The following COL23A1 variants were observed in gnomAD, a reference collection of about 807,000 sequenced individuals.
The protein encoded by COL23A1 is collagen alpha-1(XXIII) chain.
In COL23A1, 97 loss-of-function variants were observed where a neutral mutation model predicts 99.3. The ratio of observed to expected loss-of-function variants is 0.98; its 90% CI spans 0.83 to 1.16. The LOEUF (loss-of-function observed/expected upper bound fraction) is 1.16, where lower values mean the gene tolerates loss of function less well. COL23A1 is among the 50% of genes most tolerant of loss of function. COL23A1 has a pLI of 0.00. For missense variants in COL23A1, 762 were observed against 757.4 expected, an observed-to-expected ratio of 1.01 and a Z score of -0.07; for synonymous variants, 320 against 308.2, an observed-to-expected ratio of 1.04 and a Z score of -0.40.
intron 2 of COL23A1, among the ~76,000 whole-genome samples, chr5:178,537,401 G>A (rs1001470818): frequency 6.6e-5 from 10 of 152,246 alleles, no homozygotes; most frequent in Admixed American, 2.0e-4. Flanking sequence ...TGGGGAAACC[G>A]AGGCCGGGTG....
Position 178,358,223 on chromosome 5 carries a change from AATGTGTGT to A in COL23A1, c.362-51312_362-51305del, listed in dbSNP as rs1232680743. Reference sequence around the variant, plus strand: ...CATGTGTACGTGTGTATGTGTGTCTAATGTGTGTATGTGTGTATGTGTATGTGTGTGTA... The same window carrying A: ...CATGTGTACGTGTGTATGTGTGTCTAATGTGTGTATGTGTATGTGTGTGTA... On this transcript the variant is annotated intron_variant, in intron 2 of 28. Coordinates refer to ENST00000390654, the MANE Select transcript of COL23A1 (RefSeq NM_173465.4). 6.6e-4 allele frequency among the ~76,000 whole-genome samples: 41 copies of A among 62,016 alleles called. 2 individuals are homozygous for A. The highest frequency in any genetic ancestry group is 1.0e-3 in the Admixed American group (6 of 5,910). 40.7% of individuals were successfully genotyped at this position (62,016 alleles called of 152,430 possible). A position where few individuals can be genotyped will look rare whatever the true frequency, so the allele number is the denominator to read the frequency against.
At chr5:178,422,378 A>G (rs544045828) in intron 2 of COL23A1, among the ~76,000 whole-genome samples, 8 of 152,320 alleles carry the variant, frequency 5.3e-5, no homozygotes, top group South Asian at 2.1e-4. Flanking sequence ...GTTAGACACG[A>G]TGTCAGCCTT....
chr5:178,488,064 G>C (rs925991077), intron 2 of COL23A1, among the ~76,000 whole-genome samples: 2 of 152,200 alleles, frequency 1.3e-5, no homozygotes, highest in African/African-American at 4.8e-5. Context: ...AGAATGATGA[G>C]AATAATGCAT....
At chr5:178,344,104 T>G (rs1760826823) in intron 2 of COL23A1, among the ~76,000 whole-genome samples, 1 of 152,170 alleles carries the variant, frequency 6.6e-6, no homozygotes, top group African/African-American at 2.4e-5. Context: ...CTGGTTTTAT[T>G]TTGCAGTAAT....
intron 5 of COL23A1, among the ~76,000 whole-genome samples, chr5:178,287,558 G>A (rs1462131381): frequency 1.3e-5 from 2 of 152,038 alleles, no homozygotes; most frequent in Non-Finnish European, 2.9e-5. Context: ...CTGCAGGACC[G>A]GGGACCACCG....
chr5:178,341,858 C>G (rs946696164), intron 2 of COL23A1, among the ~76,000 whole-genome samples: 1 of 152,178 alleles, frequency 6.6e-6, no homozygotes, highest in Non-Finnish European at 1.5e-5. Context: ...TTCCTCCAGA[C>G]AGCACCTGGC....
chr5:178,528,648 T>G (rs1760462709), intron 2 of COL23A1, among the ~76,000 whole-genome samples: 1 of 152,170 alleles, frequency 6.6e-6, no homozygotes, highest in Admixed American at 6.5e-5. Context: ...CCATCTCTAC[T>G]AAAAATACAA....
At position 178,428,557 on chromosome 5, in the gene COL23A1, TG is replaced by T. The variant is rs1223207390; in HGVS notation, c.362-121639del. Among the ~76,000 whole-genome samples the T allele has an allele frequency of 2.0e-5, 3 of 152,312 alleles. No individual in the cohort carries two copies. In the East Asian group the frequency reaches 5.8e-4, roughly 29 times the overall value. On this transcript the variant is annotated intron_variant, in intron 2 of 28. Transcript: ENST00000390654. The surrounding 1 kb of genome is among the most constrained non-coding windows in gnomAD (Gnocchi z 5.0). ...CGGCAGGGTGCCCAGCGGGGCCTCT[TG>T]GATGCTCCTCCTGGCTGGCAGCCCC...
chr5:178,269,382 TCCATCCAC>T (rs1561809827), intron 6 of COL23A1, among the ~76,000 whole-genome samples: 5 of 60,984 alleles, frequency 8.2e-5, no homozygotes, highest in Non-Finnish European at 1.6e-4. Context: ...CATCTATCCA[TCCATCCAC>T]CCACCCATCC....
chr5:178,420,728 G>A (rs1003246702), intron 2 of COL23A1, among the ~76,000 whole-genome samples: 3 of 125,814 alleles, frequency 2.4e-5, no homozygotes, highest in South Asian at 2.8e-4. Context: ...TCTGTCCTTC[G>A]GGCTACAGCA....
At chr5:178,525,718 C>A (rs985767939) in intron 2 of COL23A1, among the ~76,000 whole-genome samples, 1 of 143,248 alleles carries the variant, frequency 7.0e-6, no homozygotes, top group South Asian at 2.2e-4. Context: ...GGCGACACAG[C>A]GCGCAGACCC....
chr5:178,535,508 C>T (rs915089605), intron 2 of COL23A1, among the ~76,000 whole-genome samples: 11 of 152,264 alleles, frequency 7.2e-5, no homozygotes, highest in African/African-American at 2.2e-4. Flanking sequence ...CACTCTCCCA[C>T]GCACAGAACA....
intron 5 of COL23A1, among the ~76,000 whole-genome samples, chr5:178,286,677 G>C (rs889678639): frequency 6.6e-6 from 1 of 152,222 alleles, no homozygotes; most frequent in Non-Finnish European, 1.5e-5. Context: ...GCCAGCTGCC[G>C]GCACCCAACT....
chr5:178,572,072 C>CAAAAAAACAAAA (rs1554199041), intron 1 of COL23A1, among the ~76,000 whole-genome samples: 2 of 109,496 alleles, frequency 1.8e-5, no homozygotes, highest in Non-Finnish European at 3.6e-5. Context: ...TTTCTCAAAA[C>CAAAAAAACAAAA]AAAAAAAAAA....
intron 2 of COL23A1, among the ~76,000 whole-genome samples, chr5:178,358,345 G>A (rs967105650): frequency 4.8e-5 from 7 of 146,540 alleles, no homozygotes; most frequent in Non-Finnish European, 9.1e-5. Flanking sequence ...TCTAATGTGT[G>A]TATTGTGTGT....
At chr5:178,522,795 G>A (rs957501437) in intron 2 of COL23A1, among the ~76,000 whole-genome samples, 3 of 152,078 alleles carry the variant, frequency 2.0e-5, no homozygotes, top group African/African-American at 7.2e-5. Flanking sequence ...GTGGCCTACG[G>A]GGACTGCCAG....
intron 2 of COL23A1, among the ~76,000 whole-genome samples, chr5:178,543,993 T>C (rs966325587): frequency 2.6e-5 from 4 of 152,058 alleles, no homozygotes; most frequent in Non-Finnish European, 5.9e-5. Context: ...GTCCCTTTTC[T>C]AAGGGCACTA....
At position 178,365,613 on chromosome 5, in the gene COL23A1, C is replaced by G. The variant is rs1270145765; in HGVS notation, c.362-58694G>C. Among the ~76,000 whole-genome samples the G allele has an allele frequency of 6.6e-6, 1 of 152,188 alleles. No homozygotes were observed. Among genetic ancestry groups the G allele is most frequent in the Admixed American group, 6.5e-5 (1 of 15,292 alleles). ...GTCTCTACCACATGCCCCAGCCTCA[C>G]CCCACGGCCCGCCCAGCACCCGCCA... On this transcript the variant is annotated intron_variant, in intron 2 of 28. Transcript: ENST00000390654. This position sits in a 1 kb window ranked among gnomAD's most constrained non-coding sequence, Gnocchi z 5.2.
In COL23A1 at chr5:178,384,155, C is replaced by A. The variant is rs574290063; in HGVS notation, c.362-77236G>T. Reference sequence around the variant, plus strand: ...AAATAAGGCTGGCCATCGAGAAGACCGAGAGGCAGGGTCAGGGGCGGCACT... The same window carrying A: ...AAATAAGGCTGGCCATCGAGAAGACAGAGAGGCAGGGTCAGGGGCGGCACT... On this transcript the variant is annotated intron_variant, in intron 2 of 28. Transcript: ENST00000390654. This position sits in a 1 kb window ranked among gnomAD's most constrained non-coding sequence, Gnocchi z 5.5. Among the ~76,000 whole-genome samples the A allele has an allele frequency of 1.3e-5, 2 of 152,128 alleles. No homozygotes were observed. Among genetic ancestry groups the A allele is most frequent in the Admixed American group, 6.5e-5 (1 of 15,288 alleles).
Sources: gnomAD v4.1 joint callset for allele counts (sites outside exome capture counted in the v4.1 genomes callset) on GRCh38, gnomAD v4.1.1 for gene constraint, Gnocchi (gnomAD v3.1) non-coding constraint, MANE v1.5 for transcripts, NCBI Gene and HGNC (gene_info 2026-07-23, HGNC 2026-07-21) for gene names.